The following ADGRL3 variants were observed in gnomAD, a reference collection of about 807,000 sequenced individuals.
The protein encoded by ADGRL3 is adhesion G protein-coupled receptor L3.
In ADGRL3, 62 loss-of-function variants were observed where a neutral mutation model predicts 153.5. The observed-to-expected ratio is 0.40, with a 90% CI of 0.33 to 0.50. ADGRL3 has a LOEUF of 0.50. Among genes scored for constraint, ADGRL3 ranks in the 20% least tolerant of loss-of-function variants. The pLI is 0.47. For missense variants in ADGRL3, 1,641 were observed against 1,859.4 expected (o/e 0.88, Z 2.16); for synonymous variants, 710 against 672.5 (o/e 1.06, Z -0.86).
At chr4:61,573,719 A>G (rs904062408) in intron 4 of ADGRL3, among the ~76,000 whole-genome samples, 1 of 151,968 alleles carries the variant, frequency 6.6e-6, no homozygotes, top group African/African-American at 2.4e-5. Context: ...AAACTGATAA[A>G]TATAAAGAAT....
At chr4:61,354,574 CTGTG>C (rs58238791) in intron 1 of ADGRL3, among the ~76,000 whole-genome samples, 1 of 148,386 alleles carries the variant, frequency 6.7e-6, no homozygotes, top group African/African-American at 2.5e-5. Context: ...AAGACTTTGT[CTGTG>C]TGTGTGTGTG....
chr4:61,983,290 G>A (rs2099074823), intron 18 of ADGRL3, 93 bp from the exon 19 acceptor site: 1 of 869,730 alleles, frequency 1.1e-6, no homozygotes, highest in African/African-American at 1.7e-5. Flanking sequence ...CTATTGTAAT[G>A]CAGTTTTGGT....
chr4:61,688,534 G>A (rs2095485900), intron 6 of ADGRL3, among the ~76,000 whole-genome samples: 1 of 152,064 alleles, frequency 6.6e-6, no homozygotes, highest in South Asian at 2.1e-4. Flanking sequence ...AAACAGCTTT[G>A]TACCATGATG....
At chr4:61,588,437 CAT>C (rs1299951175) in intron 5 of ADGRL3, among the ~76,000 whole-genome samples, 2 of 151,742 alleles carry the variant, frequency 1.3e-5, no homozygotes, top group African/African-American at 4.8e-5. Context: ...TTAATACATT[CAT>C]AGTCAATATG....
intron 17 of ADGRL3, among the ~76,000 whole-genome samples, chr4:61,960,083 T>A (rs1184973499): frequency 6.6e-6 from 1 of 152,214 alleles, no homozygotes. Flanking sequence ...TTTTATTACA[T>A]TATCTTGAAT....
At chr4:61,614,374 T>C (rs1004961612) in intron 5 of ADGRL3, among the ~76,000 whole-genome samples, 2 of 152,194 alleles carry the variant, frequency 1.3e-5, no homozygotes, top group African/African-American at 4.8e-5. Context: ...ATTGCTGATG[T>C]CTGCTAGGAG....
chr4:61,728,275 G>A (rs1175978443), intron 6 of ADGRL3, among the ~76,000 whole-genome samples: 1 of 152,010 alleles, frequency 6.6e-6, no homozygotes, highest in Non-Finnish European at 1.5e-5. Flanking sequence ...TTCATTTTGA[G>A]TAACCAGCAA....
Position 61,665,230 on chromosome 4 carries a change from TG to T in ADGRL3, c.474-11595del, listed in dbSNP as rs553173817. 1.6e-4 allele frequency among the ~76,000 whole-genome samples: 25 copies of T among 152,202 alleles called. No homozygotes were observed. In the East Asian group the frequency reaches 4.8e-3, roughly 29 times the overall value. ...GTTCAAGACCAGCCTGGCCACATGG[TG>T]AAACCCAGTCTCTACTAAAAATACA... On this transcript the variant is annotated intron_variant, in intron 5 of 26. Coordinates refer to ENST00000683033, the MANE Select transcript of ADGRL3 (RefSeq NM_001387552.1).
At chr4:61,397,600 G>T (rs2096883146) in intron 2 of ADGRL3, among the ~76,000 whole-genome samples, 1 of 151,750 alleles carries the variant, frequency 6.6e-6, no homozygotes, top group South Asian at 2.1e-4. Context: ...CACATAGCCA[G>T]AATACCAGTA....
At chr4:61,668,979 A>T (rs2094899948) in intron 5 of ADGRL3, among the ~76,000 whole-genome samples, 2 of 152,278 alleles carry the variant, frequency 1.3e-5, no homozygotes, top group East Asian at 1.9e-4. Flanking sequence ...AGATCATACC[A>T]CTGCACTCCA....
At chr4:61,492,497 G>A (rs2098269248) in intron 2 of ADGRL3, among the ~76,000 whole-genome samples, 1 of 152,010 alleles carries the variant, frequency 6.6e-6, no homozygotes, top group Non-Finnish European at 1.5e-5. Context: ...GTTAACCTCT[G>A]TTTGGTGTAT....
chr4:61,235,645 CT>C (rs1752513285), intron 1 of ADGRL3, among the ~76,000 whole-genome samples: 1 of 152,108 alleles, frequency 6.6e-6, no homozygotes, highest in South Asian at 2.1e-4. Context: ...AAAATAAGAG[CT>C]AGTTAAGTGT....
intron 2 of ADGRL3, among the ~76,000 whole-genome samples, chr4:61,451,734 A>G (rs1384164929): frequency 6.6e-6 from 1 of 152,146 alleles, no homozygotes; most frequent in South Asian, 2.1e-4. Context: ...GTGTATGCAT[A>G]CATATGTTTA....
chr4:61,832,321 C>T (rs1168606506), intron 9 of ADGRL3, among the ~76,000 whole-genome samples: 1 of 152,176 alleles, frequency 6.6e-6, no homozygotes, highest in East Asian at 1.9e-4. Context: ...TGAAGTCTCC[C>T]AGGTAATCTC....
intron 9 of ADGRL3, among the ~76,000 whole-genome samples, chr4:61,853,382 G>A (rs557551381): frequency 2.1e-4 from 32 of 152,252 alleles, no homozygotes; most frequent in African/African-American, 7.7e-4. Flanking sequence ...CTGACTTCTG[G>A]GGAGGGTGAA....
At chr4:61,348,158 C>T (rs557702253) in intron 1 of ADGRL3, among the ~76,000 whole-genome samples, 1 of 151,922 alleles carries the variant, frequency 6.6e-6, no homozygotes, top group African/African-American at 2.4e-5. Flanking sequence ...TCAAATCAAA[C>T]CCCCAAACCC....
intron 1 of ADGRL3, among the ~76,000 whole-genome samples, chr4:61,207,661 A>G (rs1000234851): frequency 6.6e-6 from 1 of 152,184 alleles, no homozygotes; most frequent in Admixed American, 6.5e-5. Flanking sequence ...TTACACTCCT[A>G]CCAACAGTGT....
chr4:61,489,484 A>C (rs2098233784), intron 2 of ADGRL3, among the ~76,000 whole-genome samples: 1 of 151,906 alleles, frequency 6.6e-6, no homozygotes. Context: ...AATGTGTTAT[A>C]AAATATACAT....
In ADGRL3 at chr4:62,009,951, T is replaced by C. The variant is rs548701414; in HGVS notation, c.3395+11686T>C. ...TGCTGTACTTCTGAGTACAGCTTTA[T>C]TATAAAGCCTACAACTCAGAAACAG... On this transcript the variant is annotated intron_variant, in intron 21 of 26. Transcript: ENST00000683033. 4.6e-5 allele frequency among the ~76,000 whole-genome samples: 7 copies of C among 152,216 alleles called. No individual in the cohort carries two copies. The South Asian group carries it at 1.5e-3, about 32-fold the overall frequency.
Sources: gnomAD v4.1 joint callset for allele counts (sites outside exome capture counted in the v4.1 genomes callset) on GRCh38, gnomAD v4.1.1 for gene constraint, MANE v1.5 for transcripts, NCBI Gene and HGNC (gene_info 2026-07-23, HGNC 2026-07-21) for gene names.